COL11A1: variants seen among roughly 807,000 people sequenced by gnomAD.
The protein encoded by COL11A1 is collagen type XI alpha 1 chain.
In COL11A1, 74 loss-of-function variants were observed where a neutral mutation model predicts 265.2. That is an observed-to-expected ratio of 0.28 (90% CI 0.23 to 0.34). The LOEUF (loss-of-function observed/expected upper bound fraction) is 0.34. COL11A1 is among the 10% of genes least tolerant of loss of function. The pLI is 1.00. For missense variants in COL11A1, 2,165 were observed against 2,263.6 expected (o/e 0.96, Z 0.88); for synonymous variants, 816 against 727.6 (o/e 1.12, Z -1.96).
chr1:103,023,921 A>G (rs986998906), intron 7 of COL11A1, among the ~76,000 whole-genome samples: 3 of 152,212 alleles, frequency 2.0e-5, no homozygotes, highest in African/African-American at 7.2e-5. Flanking sequence ...ATCACTGTAC[A>G]ATTCTCAAGA....
intron 24 of COL11A1, chr1:103,000,998 G>T (rs186153233): frequency 6.6e-5 from 26 of 391,606 alleles, no homozygotes; most frequent in African/African-American, 4.9e-4. Context: ...AGACATAAAG[G>T]TCACATACAC....
rs1049244959 is a variant in COL11A1, at chr1:103,108,459, G to C, written c.-281C>G. 1.7e-6 allele frequency: 1 copy of C among 597,414 alleles called. No homozygotes were observed. Among genetic ancestry groups the C allele is most frequent in the Non-Finnish European group, 3.0e-6 (1 of 336,546 alleles). The allele number at this position is 597,414 out of a possible 1,614,324, so 37.0% of individuals were successfully genotyped here. ...GGGCCCTGCCTTCAGAATGAAGGCA[G>C]ATGAGGGGCTTCCACCAACAAGCTG... On this transcript the variant is annotated 5_prime_UTR_variant, in exon 1 of 67. It adds an upstream start codon to the 5' untranslated region. Coordinates refer to ENST00000370096, the MANE Select transcript of COL11A1 (RefSeq NM_001854.4).
intron 45 of COL11A1, 43 bp downstream of exon 45, chr1:102,935,017 A>T: frequency 6.3e-7 from 1 of 1,588,244 alleles, no homozygotes; most frequent in Non-Finnish European, 8.6e-7. Flanking sequence ...TTAATCAGGG[A>T]GCTGTAAGGA....
Position 102,940,311 on chromosome 1 carries a change from A to T in COL11A1, c.3384+16T>A. The T allele has an allele frequency of 5.0e-6, 8 of 1,598,744 alleles. No homozygotes were observed. The highest frequency in any genetic ancestry group is 6.0e-6 in the Non-Finnish European group (7 of 1,166,008). On this transcript the variant is annotated intron_variant, in intron 43 of 66. Transcript: ENST00000370096. ...CTTTTTCACAGGATCTACTAACACG[A>T]ATAATGAATACCAACCTTGTCTCCG...
chr1:103,065,573 CAAA>C (rs61016929), intron 4 of COL11A1, among the ~76,000 whole-genome samples: 18 of 130,686 alleles, frequency 1.4e-4, no homozygotes, highest in African/African-American at 5.1e-4. Context: ...AACAAACAAA[CAAA>C]AAAAATAGCA....
intron 1 of COL11A1, among the ~76,000 whole-genome samples, chr1:103,105,476 A>G (rs953087075): frequency 7.9e-5 from 12 of 152,106 alleles, no homozygotes; most frequent in African/African-American, 2.9e-4. Flanking sequence ...TAATCCATTC[A>G]CTTCCAAGAA....
chr1:102,969,812 G>A (rs923824548), intron 37 of COL11A1, among the ~76,000 whole-genome samples: 3 of 152,098 alleles, frequency 2.0e-5, no homozygotes, highest in African/African-American at 4.8e-5. Flanking sequence ...AAAGAATGTG[G>A]TATTATGATC....
At chr1:102,887,331 TTA>T (rs963170128) in intron 62 of COL11A1, among the ~76,000 whole-genome samples, 4 of 151,930 alleles carry the variant, frequency 2.6e-5, no homozygotes, top group African/African-American at 9.7e-5. Context: ...TGTAGATATG[TTA>T]TATATGTTAG....
chr1:103,001,845 GA>G, intron 24 of COL11A1, 79 bp downstream of exon 24: 2 of 1,272,088 alleles, frequency 1.6e-6, no homozygotes, highest in Non-Finnish European at 2.3e-6. Flanking sequence ...AACAAAAACA[GA>G]AGGCAGACCT....
chr1:103,067,783 G>A (rs1411007300), intron 4 of COL11A1, among the ~76,000 whole-genome samples: 1 of 151,380 alleles, frequency 6.6e-6, no homozygotes, highest in African/African-American at 2.4e-5. Context: ...AAATTTTAAA[G>A]ATATTAAAAT....
intron 28 of COL11A1, among the ~76,000 whole-genome samples, chr1:102,994,116 T>G (rs1664396555): frequency 6.6e-6 from 1 of 152,198 alleles, no homozygotes; most frequent in Non-Finnish European, 1.5e-5. Flanking sequence ...TCCATCCCTT[T>G]TTGTTATCCA....
At chr1:102,959,663 G>GTTTT (rs1387241113) in intron 41 of COL11A1, among the ~76,000 whole-genome samples, 1 of 152,082 alleles carries the variant, frequency 6.6e-6, no homozygotes, top group East Asian at 1.9e-4. Context: ...ATATAACAAA[G>GTTTT]TAAGTAATAA....
chr1:102,930,997 G>A (rs1427289086), intron 46 of COL11A1, among the ~76,000 whole-genome samples: 169 of 148,744 alleles, frequency 1.1e-3, no homozygotes, highest in Non-Finnish European at 2.2e-3. Context: ...TTCTTTATTA[G>A]TCTTGCTAGG....
Position 103,008,434 on chromosome 1 carries a change from G to T in COL11A1, c.1683+29C>A, listed in dbSNP as rs759189134. Reference sequence around the variant, plus strand: ...ATGCTGTATCAAAGAAGCCAGTCAAGAATAAAAAGTCAAATTTTTATTTTT... The same window carrying T: ...ATGCTGTATCAAAGAAGCCAGTCAATAATAAAAAGTCAAATTTTTATTTTT... On this transcript the variant is annotated intron_variant, in intron 15 of 66. Coordinates refer to ENST00000370096, the MANE Select transcript of COL11A1 (RefSeq NM_001854.4). 32 of 1,594,952 alleles carry T rather than the reference G, an allele frequency of 2.0e-5. 1 individual carries two copies. In the South Asian group the frequency reaches 3.3e-4, roughly 16 times the overall value.
chr1:103,089,074 T>C (rs569927492), intron 1 of COL11A1, among the ~76,000 whole-genome samples: 2 of 152,352 alleles, frequency 1.3e-5, no homozygotes, highest in South Asian at 2.1e-4. Flanking sequence ...CCTTCCTCAA[T>C]TGGTTAAGGA....
intron 57 of COL11A1, among the ~76,000 whole-genome samples, chr1:102,892,436 C>A (rs533783438): frequency 2.0e-5 from 3 of 152,206 alleles, no homozygotes; most frequent in African/African-American, 7.2e-5. Flanking sequence ...CTGATCCAAG[C>A]AGTATGATGT....
In COL11A1 at chr1:102,879,809, C is replaced by G. The variant is rs1650000182; in HGVS notation, c.5148G>C (p.Gln1716His). The change falls in exon 66 of 67, where the codon CAG becomes CAC. Residue 1716 changes from glutamine (Q) to histidine (H), a missense_variant. Physicochemically the swap from Gln to His is conservative, Grantham distance 24 (BLOSUM62 0). Coordinates refer to ENST00000370096, the MANE Select transcript of COL11A1 (RefSeq NM_001854.4). Reference protein sequence around the residue: ...ARQNFTYHCHQSAAWYDVSSG... With the variant: ...ARQNFTYHCHHSAAWYDVSSG... ...ATGACACATCATACCAGGCTGCTGA[C>G]TGATGACAGTGGTAGGTGAAATTTT... 6.2e-7 allele frequency: 1 copy of G among 1,613,894 alleles called. No homozygotes were observed. The highest frequency in any genetic ancestry group is 8.5e-7 in the Non-Finnish European group (1 of 1,179,940).
At chr1:103,014,901 T>C (rs902601804) in intron 12 of COL11A1, among the ~76,000 whole-genome samples, 2 of 152,074 alleles carry the variant, frequency 1.3e-5, no homozygotes, top group Non-Finnish European at 2.9e-5. Flanking sequence ...AGCACAAATG[T>C]TACCCATTTT....
chr1:103,095,720 A>G (rs1328061277), intron 1 of COL11A1, among the ~76,000 whole-genome samples: 1 of 151,968 alleles, frequency 6.6e-6, no homozygotes, highest in Non-Finnish European at 1.5e-5. Flanking sequence ...ATATTTTCTC[A>G]TGTAAATTTG....
Sources: gnomAD v4.1 joint callset for allele counts (sites outside exome capture counted in the v4.1 genomes callset) on GRCh38, gnomAD v4.1.1 for gene constraint, MANE v1.5 for transcripts, NCBI Gene and HGNC (gene_info 2026-07-23, HGNC 2026-07-21) for gene names.